PDE1A: variants seen among roughly 807,000 people sequenced by gnomAD.
PDE1A encodes the protein dual specificity calcium/calmodulin-dependent 3',5'-cyclic nucleotide phosphodiesterase 1A.
PDE1A carries 35 observed loss-of-function variants against 61.7 expected under a neutral mutation model. The ratio of observed to expected loss-of-function variants is 0.57; its 90% CI spans 0.43 to 0.75. The LOEUF (loss-of-function observed/expected upper bound fraction) is 0.75, where lower values mean the gene tolerates loss of function less well. Ranked by LOEUF, PDE1A falls within the 30% of genes least tolerant of loss-of-function variation. The pLI is 0.00. For missense variants in PDE1A, 597 were observed against 630.6 expected (o/e 0.95, Z 0.57); for synonymous variants, 232 against 213.2 (o/e 1.09, Z -0.77).
At chr2:182,364,238 G>A (rs543721933) in intron 1 of PDE1A, among the ~76,000 whole-genome samples, 2 of 151,722 alleles carry the variant, frequency 1.3e-5, no homozygotes, top group African/African-American at 4.8e-5. Context: ...CCAAGAGCCA[G>A]GCAGGGCATA....
At chr2:182,562,698 G>T in the PDE1A span, among the ~76,000 whole-genome samples, 4 of 151,756 alleles carry the variant, frequency 2.6e-5, no homozygotes, top group African/African-American at 7.3e-5. Context: ...ACTCTTTTTG[G>T]TTGGTAAGCT....
chr2:182,192,667 G>T (rs1685798508), intron 10 of PDE1A, among the ~76,000 whole-genome samples: 1 of 152,030 alleles, frequency 6.6e-6, no homozygotes, highest in Non-Finnish European at 1.5e-5. Flanking sequence ...TGCCTTCAGG[G>T]GGCCAAAATA....
intron 13 of PDE1A, 56 bp from the exon 14 acceptor site, chr2:182,147,208 C>A: frequency 9.8e-7 from 1 of 1,021,426 alleles, no homozygotes; most frequent in Admixed American, 2.0e-5. Context: ...TTGGAAAAAA[C>A]TAATAAGGTT....
At chr2:182,362,655 C>T (rs1699575021) in intron 1 of PDE1A, among the ~76,000 whole-genome samples, 1 of 151,954 alleles carries the variant, frequency 6.6e-6, no homozygotes, top group Admixed American at 6.6e-5. Context: ...TTGTGGAAGA[C>T]AATGTAGTGA....
chr2:182,527,327 A>AAAAAT (rs1690791538), upstream of PDE1A, among the ~76,000 whole-genome samples: 6 of 20,712 alleles, frequency 2.9e-4, no homozygotes, highest in Non-Finnish European at 3.9e-4. Context: ...AAAAAAAAAA[A>AAAAAT]ATATATATAT....
rs192886029 is a variant in PDE1A at position 182,385,920 on chromosome 2, G to T, written c.53+40658C>A. Reference sequence around the variant, plus strand: ...TCCCTCTGATGCCCGGCCGAAGCTGGACTGTACTGCTGCCATCTCGGCTCA... The same window carrying T: ...TCCCTCTGATGCCCGGCCGAAGCTGTACTGTACTGCTGCCATCTCGGCTCA... On this transcript the variant is annotated intron_variant, in intron 1 of 13. Transcript: ENST00000351439. 4.7e-3 allele frequency among the ~76,000 whole-genome samples: 719 copies of T among 151,966 alleles called. 2 individuals carry two copies. The highest frequency in any genetic ancestry group is 0.017 in the African/African-American group (690 of 41,472).
intron 3 of PDE1A, among the ~76,000 whole-genome samples, chr2:182,239,068 G>T (rs997822203): frequency 6.6e-6 from 1 of 152,124 alleles, no homozygotes; most frequent in East Asian, 1.9e-4. Context: ...TCTTTAAATT[G>T]CACAGTGTAT....
the PDE1A span, among the ~76,000 whole-genome samples, chr2:182,602,992 C>CACACACACATACATACATACAT: frequency 3.8e-5 from 5 of 130,492 alleles, no homozygotes; most frequent in South Asian, 2.4e-4. Context: ...CACACACACA[C>CACACACACATACATACATACAT]ACATACATAC....
the PDE1A span, among the ~76,000 whole-genome samples, chr2:182,689,283 G>A: frequency 6.6e-6 from 1 of 152,114 alleles, no homozygotes; most frequent in Admixed American, 6.5e-5. Context: ...TGGAAGTAAA[G>A]CACTCCTCAG....
intron 6 of PDE1A, among the ~76,000 whole-genome samples, chr2:182,229,563 AT>A (rs1353795322): frequency 1.3e-5 from 2 of 152,162 alleles, no homozygotes; most frequent in Non-Finnish European, 2.9e-5. Context: ...GACATTAATA[AT>A]TTCCCCAAAT....
chr2:182,140,826 G>A (rs1026131400), exon 15 of PDE1A: 4 of 151,580 alleles, frequency 2.6e-5, no homozygotes, highest in African/African-American at 7.3e-5. Context: ...GAAAACAAAG[G>A]AAGGAATAAA....
In PDE1A at chr2:182,169,912, ACACACACACG is replaced by A. The variant is rs1316080522; in HGVS notation, c.1517-1632_1517-1623del. 2.6e-3 allele frequency among the ~76,000 whole-genome samples: 305 copies of A among 117,272 alleles called. 1 individual carries two copies. Among genetic ancestry groups the A allele is most frequent in the African/African-American group, 0.011 (292 of 26,502 alleles). 76.9% of individuals were successfully genotyped at this position (117,272 alleles called of 152,430 possible). ...AGGAGACACACACACACACACACAC[ACACACACACG>A]CACACACACACACACACTCTCCCTC... On this transcript the variant is annotated intron_variant, in intron 13 of 13. Coordinates refer to ENST00000351439, the Ensembl canonical transcript of PDE1A.
chr2:182,274,853 ATTCT>A (rs928073812), intron 1 of PDE1A, among the ~76,000 whole-genome samples: 3 of 152,246 alleles, frequency 2.0e-5, no homozygotes, highest in African/African-American at 7.2e-5. Context: ...ATTGTAAATA[ATTCT>A]TTCTTTATGA....
At chr2:182,211,968 C>T (rs1687639530) in intron 7 of PDE1A, among the ~76,000 whole-genome samples, 1 of 151,912 alleles carries the variant, frequency 6.6e-6, no homozygotes, top group African/African-American at 2.4e-5. Flanking sequence ...TTTCTCTCTT[C>T]CCAAGATTCA....
chr2:182,688,410 T>C, the PDE1A span, among the ~76,000 whole-genome samples: 2 of 152,254 alleles, frequency 1.3e-5, no homozygotes, highest in South Asian at 4.1e-4. Context: ...AACCCAGAAG[T>C]TCATATCCAG....
At chr2:182,221,095 T>C (rs1192745070) in intron 7 of PDE1A, among the ~76,000 whole-genome samples, 1 of 151,880 alleles carries the variant, frequency 6.6e-6, no homozygotes, top group African/African-American at 2.4e-5. Flanking sequence ...GTCCTCCTCT[T>C]CCTTGTCATC....
At chr2:182,529,638 A>T in the PDE1A span, among the ~76,000 whole-genome samples, 1 of 152,168 alleles carries the variant, frequency 6.6e-6, no homozygotes, top group East Asian at 1.9e-4. Flanking sequence ...TCTCCACCCA[A>T]ATCTCATTTT....
chr2:182,209,424 T>A (rs969876442), intron 7 of PDE1A, among the ~76,000 whole-genome samples: 1 of 151,736 alleles, frequency 6.6e-6, no homozygotes, highest in African/African-American at 2.4e-5. Context: ...AACATGAGAT[T>A]TGGATGAGAG....
At chr2:182,655,654 G>T in the PDE1A span, among the ~76,000 whole-genome samples, 1 of 152,230 alleles carries the variant, frequency 6.6e-6, no homozygotes, top group Non-Finnish European at 1.5e-5. Context: ...GCATTTGCCT[G>T]TGTTGAGGTC....
Sources: gnomAD v4.1 joint callset for allele counts (sites outside exome capture counted in the v4.1 genomes callset) on GRCh38, gnomAD v4.1.1 for gene constraint, MANE v1.5 for transcripts, NCBI Gene and HGNC (gene_info 2026-07-23, HGNC 2026-07-21) for gene names.